MX1: variants seen among roughly 807,000 people sequenced by gnomAD.
The protein encoded by MX1 is MX dynamin like GTPase 1.
MX1 carries 66 observed loss-of-function variants against 66.4 expected under a neutral mutation model. The ratio of observed to expected loss-of-function variants is 0.99; its 90% CI spans 0.82 to 1.22. The LOEUF (loss-of-function observed/expected upper bound fraction) is 1.22, where lower values mean the gene tolerates loss of function less well. MX1 is among the 50% of genes most tolerant of loss of function. The pLI, the probability that MX1 is intolerant of heterozygous loss-of-function variation, is 0.00. For synonymous variants in MX1, 311 were observed against 318.1 expected, an observed-to-expected ratio of 0.98 and a Z score of 0.24; for missense variants, 787 against 834.3, an observed-to-expected ratio of 0.94 and a Z score of 0.70.
At chr21:41,449,399 A>C (rs1380632262) in intron 14 of MX1, 104 bp downstream of exon 14, 2 of 1,200,260 alleles carry the variant, frequency 1.7e-6, no homozygotes, top group African/African-American at 3.1e-5. Context: ...GGTGCATCCC[A>C]CACCAACGAG....
At position 41,445,522 on chromosome 21, in the gene MX1, T is replaced by C. The variant is rs755878782; in HGVS notation, c.1083T>C (p.Gly361=). 2 of 1,614,056 alleles carry C rather than the reference T, an allele frequency of 1.2e-6. No homozygotes were observed. The highest frequency in any genetic ancestry group is 2.7e-5 in the African/African-American group (2 of 74,906). ...QRITEELQKY[G]VDIPEDENEK... ...TAACAGAGGAGCTACAAAAGTATGG[T>C]GTCGACATACCGGAAGACGAAAATG... is the stretch of plus-strand genomic sequence containing the variant. Residue 361 remains glycine (G), a synonymous_variant, in exon 12 of 17, where the codon GGT becomes GGC. Coordinates refer to ENST00000398598, the MANE Select transcript of MX1 (RefSeq NM_002462.5).
chr21:41,448,097 A>G (rs892800197), intron 13 of MX1, among the ~76,000 whole-genome samples: 3 of 152,226 alleles, frequency 2.0e-5, no homozygotes, highest in Non-Finnish European at 4.4e-5. Flanking sequence ...AAAAATCCTT[A>G]TGGGAAAATA....
chr21:41,455,791 C>T (rs1172301126), intron 16 of MX1, among the ~76,000 whole-genome samples: 2 of 152,314 alleles, frequency 1.3e-5, no homozygotes, highest in Non-Finnish European at 2.9e-5. Flanking sequence ...TCCCTTTAAG[C>T]GAACAGTTTG....
At chr21:41,452,584 C>A (rs1335877794) in intron 15 of MX1, 37 bp from the exon 16 acceptor site, 1 of 1,568,844 alleles carries the variant, frequency 6.4e-7, no homozygotes, top group Non-Finnish European at 8.6e-7. Flanking sequence ...GAATTTGTGT[C>A]TTGAGGGAAA....
chr21:41,452,596 T>G, intron 15 of MX1, 25 bp from the exon 16 acceptor site: 1 of 1,580,252 alleles, frequency 6.3e-7, no homozygotes, highest in Non-Finnish European at 8.6e-7. Context: ...TGAGGGAAAC[T>G]GTATTTATTT....
chr21:41,444,350 A>G (rs1417733077), intron 11 of MX1, among the ~76,000 whole-genome samples: 22 of 105,786 alleles, frequency 2.1e-4, no homozygotes, highest in Non-Finnish European at 3.7e-4. Flanking sequence ...TTTTTGAGAC[A>G]GAGTCTCACT....
chr21:41,452,696 C>A lies in MX1; in HGVS notation c.1585C>A (p.Gln529Lys). Reference sequence around the variant, plus strand: ...GATCCGCCTCCACTTCCAGATGGAACAGATTGTCTACTGCCAGGACCAGGT... The same window carrying A: ...GATCCGCCTCCACTTCCAGATGGAAAAGATTGTCTACTGCCAGGACCAGGT... ...KLIRLHFQME[Q>K]IVYCQDQVYR... Residue 529 changes from glutamine to lysine, a missense_variant, in exon 16 of 17, where the codon CAG becomes AAG. Physicochemically the swap from Gln to Lys is moderately conservative, Grantham distance 53 (BLOSUM62 1). Coordinates refer to ENST00000398598, the MANE Select transcript of MX1 (RefSeq NM_002462.5). 2 of 1,614,210 alleles carry A rather than the reference C, an allele frequency of 1.2e-6. No individual in the cohort carries two copies. The highest frequency in any genetic ancestry group is 1.7e-6 in the Non-Finnish European group (2 of 1,180,034).
At chr21:41,447,366 G>A (rs8132927) in intron 13 of MX1, among the ~76,000 whole-genome samples, 1,588 of 152,272 alleles carry the variant, frequency 0.01, 31 homozygotes, top group African/African-American at 0.035. Flanking sequence ...TGAGGGTTAG[G>A]ACTTCAACAT....
At chr21:41,457,860 G>A (rs1035127902) in intron 16 of MX1, among the ~76,000 whole-genome samples, 4 of 151,840 alleles carry the variant, frequency 2.6e-5, no homozygotes, top group Non-Finnish European at 5.9e-5. Flanking sequence ...CCCATTCCCC[G>A]CCCCTGAATC....
chr21:41,449,394 A>G, intron 14 of MX1, 99 bp downstream of exon 14: 3 of 1,249,574 alleles, frequency 2.4e-6, no homozygotes, highest in Non-Finnish European at 3.3e-6. Context: ...CCTGGGGTGC[A>G]TCCCACACCA....
Position 41,441,836 on chromosome 21 carries a change from A to G in MX1, c.851A>G (p.Gln284Arg), listed in dbSNP as rs752288246. The change falls in exon 10 of 17, where the codon CAG becomes CGG. Residue 284 changes from glutamine to arginine, a missense_variant. Coordinates refer to ENST00000398598, the MANE Select transcript of MX1 (RefSeq NM_002462.5). This position sits in a 1 kb window ranked among gnomAD's most constrained non-coding sequence, Gnocchi z 4.0. ...ATGATTGTCAAGTGCCGGGGCCAGC[A>G]GGAGATCCAGGACCAGCTGAGCCTG... ...GYMIVKCRGQ[Q>R]EIQDQLSLSE... The G allele has an allele frequency of 3.1e-6, 5 of 1,614,094 alleles. No homozygotes were observed. In the East Asian group the frequency reaches 8.9e-5, roughly 29 times the overall value.
chr21:41,449,500 G>GTCCACA (rs1489399882), intron 14 of MX1: 130 of 478,326 alleles, frequency 2.7e-4, no homozygotes, highest in Non-Finnish European at 4.2e-4. Context: ...GGACCCCATA[G>GTCCACA]CTTAAGGGCT....
In MX1 at chr21:41,435,885, T is replaced by G; in HGVS notation, c.154T>G (p.Cys52Gly). Residue 52 changes from cysteine to glycine, a missense_variant, in exon 6 of 17, where the codon TGC becomes GGC. Transcript: ENST00000398598. ...CCAGTATGAGGAGAAGGTGCGCCCCTGCATCGACCTCATTGACTCCCTGCG... is the reference window on the plus strand; with the variant it reads ...CCAGTATGAGGAGAAGGTGCGCCCCGGCATCGACCTCATTGACTCCCTGCG... ...CSQYEEKVRP[C>G]IDLIDSLRAL... 6.2e-7 allele frequency: 1 copy of G among 1,614,188 alleles called. No individual in the cohort carries two copies. The highest frequency in any genetic ancestry group is 8.5e-7 in the Non-Finnish European group (1 of 1,180,004).
rs1459310141 is a variant in MX1 at position 41,458,869 on chromosome 21, T to C, written c.*111T>C. ...CAGTAGTCAGACTGGATAGTCCGTC[T>C]CTGCTTATCCGTTAGCCGTGGTGAT... On this transcript the variant is annotated 3_prime_UTR_variant, in exon 17 of 17. Coordinates refer to ENST00000398598, the MANE Select transcript of MX1 (RefSeq NM_002462.5). The C allele has an allele frequency of 2.7e-6, 4 of 1,458,894 alleles. No individual in the cohort carries two copies. Among genetic ancestry groups the C allele is most frequent in the Admixed American group, 4.9e-5 (2 of 40,882 alleles). The allele number at this position is 1,458,894 out of a possible 1,614,324, so 90.4% of individuals were successfully genotyped here. A position where few individuals can be genotyped will look rare whatever the true frequency, so the allele number is the denominator to read the frequency against.
chr21:41,441,852 G>T lies in MX1; in HGVS notation c.867G>T (p.Gln289His). ...GGGGCCAGCAGGAGATCCAGGACCA[G>T]CTGAGCCTGTCCGAAGCCCTGCAGA... The part of the protein sequence containing the change: ...KCRGQQEIQD[Q>H]LSLSEALQRE... The change falls in exon 10 of 17, where the codon CAG becomes CAT. Residue 289 changes from glutamine (Q) to histidine (H), a missense_variant. Transcript: ENST00000398598. This position sits in a 1 kb window ranked among gnomAD's most constrained non-coding sequence, Gnocchi z 4.0. The T allele has an allele frequency of 6.2e-7, 1 of 1,614,212 alleles. No homozygotes were observed.
upstream of MX1, among the ~76,000 whole-genome samples, chr21:41,421,579 G>A (rs181992028): frequency 1.3e-5 from 2 of 152,340 alleles, no homozygotes; most frequent in Admixed American, 6.5e-5. Context: ...AGATTAGGGC[G>A]TGGTGATGAC....
At chr21:41,447,383 T>G (rs185097066) in intron 13 of MX1, among the ~76,000 whole-genome samples, 1 of 152,316 alleles carries the variant, frequency 6.6e-6, no homozygotes, top group Admixed American at 6.5e-5. Flanking sequence ...ACATTGGAGT[T>G]TGAAGAGGTC....
At chr21:41,432,369 G>A (rs1001381970) in intron 5 of MX1, among the ~76,000 whole-genome samples, 194 bp downstream of exon 5, 6 of 152,224 alleles carry the variant, frequency 3.9e-5, no homozygotes, top group Admixed American at 1.3e-4. Flanking sequence ...CTCACCGTGG[G>A]TGGAGGTGCT....
In MX1 at chr21:41,441,792, C is replaced by G. The variant is rs2090522257; in HGVS notation, c.807C>G (p.Phe269Leu). Residue 269 changes from phenylalanine to leucine, a missense_variant, in exon 10 of 17, where the codon TTC becomes TTG. Phe to Leu is a conservative substitution (Grantham distance 22). Transcript: ENST00000398598. This position sits in a 1 kb window ranked among gnomAD's most constrained non-coding sequence, Gnocchi z 4.0. ...KVVDVVRNLVFHLKKGYMIVK... is the reference protein window; with the variant it reads ...KVVDVVRNLVLHLKKGYMIVK... ...TGGACGTGGTGCGGAACCTCGTGTT[C>G]CACCTGAAGAAGGGTTACATGATTG... 9.9e-6 allele frequency: 16 copies of G among 1,614,100 alleles called. No homozygotes were observed. Among genetic ancestry groups the G allele is most frequent in the Non-Finnish European group, 1.4e-5 (16 of 1,180,022 alleles).
Sources: gnomAD v4.1 joint callset for allele counts (sites outside exome capture counted in the v4.1 genomes callset) on GRCh38, gnomAD v4.1.1 for gene constraint, Gnocchi (gnomAD v3.1) non-coding constraint, MANE v1.5 for transcripts, NCBI Gene and HGNC (gene_info 2026-07-23, HGNC 2026-07-21) for gene names.